Variants in OR6N1 observed in about 807,000 individuals in gnomAD.
The protein encoded by OR6N1 is olfactory receptor family 6 subfamily N member 1.
For synonymous variants in OR6N1, 170 were observed against 150.7 expected, an observed-to-expected ratio of 1.13 and a Z score of -0.94; for missense variants, 394 against 371.7, an observed-to-expected ratio of 1.06 and a Z score of -0.49.
the OR6N1 span, among the ~76,000 whole-genome samples, chr1:158,834,759 TC>T: frequency 6.6e-6 from 1 of 152,198 alleles, no homozygotes; most frequent in Non-Finnish European, 1.5e-5. Flanking sequence ...TAGTTTTAAT[TC>T]CTACATTTAG....
the OR6N1 span, among the ~76,000 whole-genome samples, chr1:158,792,290 A>G: frequency 6.6e-6 from 1 of 152,216 alleles, no homozygotes; most frequent in Admixed American, 6.5e-5. Flanking sequence ...GAATCTTTAC[A>G]TTTTAAGTGT....
chr1:158,767,410 T>C (rs1657302439), intron 1 of OR6N1, among the ~76,000 whole-genome samples: 1 of 152,224 alleles, frequency 6.6e-6, no homozygotes, highest in Admixed American at 6.5e-5. Flanking sequence ...TCATCAGTTC[T>C]TCCTGCCATT....
At chr1:158,778,563 G>A in the OR6N1 span, among the ~76,000 whole-genome samples, 1 of 152,172 alleles carries the variant, frequency 6.6e-6, no homozygotes, top group Non-Finnish European at 1.5e-5. Context: ...CATCACTGAA[G>A]AATGTTTGCT....
chr1:158,815,380 C>T, the OR6N1 span, among the ~76,000 whole-genome samples: 1 of 152,070 alleles, frequency 6.6e-6, no homozygotes. Flanking sequence ...AAGCAATTGC[C>T]AGTGATTTTG....
chr1:158,769,469 A>T (rs1657361365), intron 1 of OR6N1, among the ~76,000 whole-genome samples: 1 of 152,180 alleles, frequency 6.6e-6, no homozygotes, highest in Non-Finnish European at 1.5e-5. Context: ...TTGCCAGAAG[A>T]TATAATTTTT....
At chr1:158,809,369 A>C in the OR6N1 span, 1 of 152,406 alleles carries the variant, frequency 6.6e-6, no homozygotes, top group Admixed American at 6.5e-5. Context: ...CATAGAATAT[A>C]AATTACTTCA....
At chr1:158,814,267 T>C in the OR6N1 span, among the ~76,000 whole-genome samples, 1 of 152,196 alleles carries the variant, frequency 6.6e-6, no homozygotes, top group African/African-American at 2.4e-5. Flanking sequence ...ATGTATATTA[T>C]ATGTATATGT....
At chr1:158,795,788 C>T in the OR6N1 span, among the ~76,000 whole-genome samples, 2 of 152,226 alleles carry the variant, frequency 1.3e-5, no homozygotes, top group South Asian at 4.1e-4. Flanking sequence ...GGTCTCCCCA[C>T]TTCTTATGCT....
At chr1:158,799,101 T>C in the OR6N1 span, among the ~76,000 whole-genome samples, 44 of 152,346 alleles carry the variant, frequency 2.9e-4, no homozygotes, top group African/African-American at 1.1e-3. Context: ...ATTTAGTTGA[T>C]CTGAAATAGA....
chr1:158,797,125 CAG>C, the OR6N1 span, among the ~76,000 whole-genome samples: 2 of 152,238 alleles, frequency 1.3e-5, no homozygotes, highest in African/African-American at 4.8e-5. Flanking sequence ...AGCCAAGATA[CAG>C]AGAGTTTCCC....
upstream of OR6N1, chr1:158,774,695 A>T (rs1216005375): frequency 1.4e-5 from 2 of 146,506 alleles, no homozygotes; most frequent in African/African-American, 5.1e-5. Flanking sequence ...TTACATGCCC[A>T]CCAAAGTTTG....
At chr1:158,830,415 C>A in the OR6N1 span, among the ~76,000 whole-genome samples, 1 of 152,142 alleles carries the variant, frequency 6.6e-6, no homozygotes, top group African/African-American at 2.4e-5. Context: ...CAGCTTTATT[C>A]TTCTCTGTAG....
chr1:158,795,879 GTTTTCCTGT>G, the OR6N1 span: 1 of 152,250 alleles, frequency 6.6e-6, no homozygotes, highest in Non-Finnish European at 1.5e-5. Flanking sequence ...GCTTCTTTCA[GTTTTCCTGT>G]TAAGTTCCTG....
upstream of OR6N1, among the ~76,000 whole-genome samples, chr1:158,773,745 T>C (rs1031764134): frequency 2.0e-5 from 3 of 152,100 alleles, no homozygotes; most frequent in African/African-American, 7.2e-5. Flanking sequence ...AAGGCCATAG[T>C]CTATCCTAGC....
At position 158,766,240 on chromosome 1, in the gene OR6N1, C is replaced by A; in HGVS notation, c.443G>T (p.Cys148Phe). The change falls in exon 2 of 2, where the codon TGT (cysteine) becomes TTT (phenylalanine). Residue 148 changes from cysteine (C) to phenylalanine (F), a missense_variant. Cys to Phe is a radical substitution (Grantham distance 205, BLOSUM62 -2). Coordinates refer to ENST00000641846, the MANE Select transcript of OR6N1 (RefSeq NM_001005185.2). ...PTLCAEIAIG[C>F]WLGGLAGPVV... ...TGGCCCAGCCAAGCCTCCCAACCAA[C>A]AGCCAATGGCAATCTCTGCACAAAG... 1.2e-6 allele frequency: 2 copies of A among 1,614,100 alleles called. No individual in the cohort carries two copies. The highest frequency in any genetic ancestry group is 1.7e-6 in the Non-Finnish European group (2 of 1,180,030).
chr1:158,804,229 T>C, the OR6N1 span, among the ~76,000 whole-genome samples: 8 of 152,222 alleles, frequency 5.3e-5, no homozygotes, highest in African/African-American at 1.9e-4. Flanking sequence ...CCTTTTTAAT[T>C]TGATCACCAT....
At chr1:158,819,601 G>C in the OR6N1 span, among the ~76,000 whole-genome samples, 3 of 152,096 alleles carry the variant, frequency 2.0e-5, no homozygotes, top group Non-Finnish European at 4.4e-5. Flanking sequence ...CACAAAAAGA[G>C]GAATGTATAC....
At chr1:158,786,987 T>C in the OR6N1 span, among the ~76,000 whole-genome samples, 3 of 152,260 alleles carry the variant, frequency 2.0e-5, no homozygotes, top group East Asian at 1.9e-4. Context: ...CCAAATACTA[T>C]TGATTTTTTT....
chr1:158,817,558 A>G, the OR6N1 span, among the ~76,000 whole-genome samples: 1 of 152,200 alleles, frequency 6.6e-6, no homozygotes, highest in Non-Finnish European at 1.5e-5. Context: ...ATGGGATCAG[A>G]TTATTTCCAG....
Sources: allele counts gnomAD v4.1 joint callset (sites outside exome capture counted in the v4.1 genomes callset), GRCh38; gene constraint gnomAD v4.1.1; transcripts MANE v1.5; gene names NCBI Gene and HGNC (gene_info 2026-07-23, HGNC 2026-07-21).